NCAPH: variants seen among roughly 807,000 people sequenced by gnomAD.
NCAPH encodes condensin complex subunit 2.
Under a neutral mutation model 85.5 loss-of-function variants are expected in NCAPH, and 38 were observed. That is an observed-to-expected ratio of 0.44 (90% CI 0.34 to 0.58). The LOEUF is 0.58. NCAPH is among the 20% of genes least tolerant of loss of function. NCAPH has a pLI of 0.01. For missense variants in NCAPH, 789 were observed against 916.6 expected (o/e 0.86, Z 1.80); for synonymous variants, 301 against 335.1 (o/e 0.90, Z 1.11).
rs1401839715 is a variant in NCAPH, at chr2:96,341,643, A to C, written c.21A>C (p.Ala7=). Residue 7 remains alanine, a splice_region_variant and synonymous_variant, in exon 2 of 18, where the codon GCA becomes GCC. Transcript: ENST00000240423. MGPPGP[A]LPATMNNSSS... ...TCTTGAGCAAGAATTTTGTTCCAGC[A>C]CTGCCAGCCACAATGAATAACTCTT... The C allele has an allele frequency of 6.2e-7, 1 of 1,609,062 alleles. No homozygotes were observed. Among genetic ancestry groups the C allele is most frequent in the Non-Finnish European group, 8.5e-7 (1 of 1,176,362 alleles).
Position 96,359,265 on chromosome 2 carries a change from G to T in NCAPH, c.1357+72G>T, listed in dbSNP as rs1023981401. 5 of 1,557,438 alleles carry T rather than the reference G, an allele frequency of 3.2e-6. No individual in the cohort carries two copies. The Admixed American group carries it at 5.2e-5, about 16-fold the overall frequency. ...ACCAGCCAGTCAGCAGTTAGCCAAG[G>T]AAAAGAAATGCCAGTCACAGCCCTG... On this transcript the variant is annotated intron_variant, in intron 10 of 17. Coordinates refer to ENST00000240423, the MANE Select transcript of NCAPH (RefSeq NM_015341.5).
chr2:96,348,675 A>T (rs1411250883), intron 6 of NCAPH, among the ~76,000 whole-genome samples: 2 of 150,672 alleles, frequency 1.3e-5, no homozygotes, highest in African/African-American at 4.9e-5. Flanking sequence ...TTTTTTTTTG[A>T]GACAGGGTCT....
intron 10 of NCAPH, chr2:96,359,439 C>T: frequency 2.0e-6 from 1 of 506,286 alleles, no homozygotes; most frequent in Non-Finnish European, 3.5e-6. Flanking sequence ...GACTCCCAGC[C>T]TCACACTGCT....
At chr2:96,373,183 T>C in intron 17 of NCAPH, 109 bp from the exon 18 acceptor site, 1 of 858,410 alleles carries the variant, frequency 1.2e-6, no homozygotes, top group Non-Finnish European at 1.8e-6. Flanking sequence ...CTTATAATCA[T>C]GGGACAAACT....
Position 96,343,251 on chromosome 2 carries a change from G to T in NCAPH, c.542G>T (p.Gly181Val), listed in dbSNP as rs553820895. The change falls in exon 5 of 18, where the codon GGG becomes GTG. Residue 181 changes from glycine (G) to valine (V), a missense_variant. Gly to Val is a moderately radical substitution (Grantham distance 109, BLOSUM62 -3). Transcript: ENST00000240423. ...AVHADVYRVL[G>V]GLGKDAPSLE... ...CATGCCGATGTATACAGAGTCCTTG[G>T]GGGGCTGGGCAAAGATGCACCGTCT... 7 of 1,613,772 alleles carry T rather than the reference G, an allele frequency of 4.3e-6. No individual in the cohort carries two copies. Among genetic ancestry groups the T allele is most frequent in the South Asian group, 2.2e-5 (2 of 91,058 alleles).
chr2:96,373,395 C>G lies in NCAPH; in HGVS notation c.*44C>G. 5.7e-6 allele frequency: 9 copies of G among 1,578,984 alleles called. No individual in the cohort carries two copies. Among genetic ancestry groups the G allele is most frequent in the Non-Finnish European group, 7.8e-6 (9 of 1,149,258 alleles). ...AGCAGCAGGAGGCCCATCCCTTACT[C>G]AGTTGCCGGGACATCCCCAGTCTCG... On this transcript the variant is annotated 3_prime_UTR_variant, in exon 18 of 18. Coordinates refer to ENST00000240423, the MANE Select transcript of NCAPH (RefSeq NM_015341.5).
intron 17 of NCAPH, 42 bp from the exon 18 acceptor site, chr2:96,373,250 C>A: frequency 6.6e-7 from 1 of 1,522,970 alleles, no homozygotes; most frequent in Non-Finnish European, 9.1e-7. Context: ...TTCTTTTATT[C>A]TCCGTATACC....
At chr2:96,350,596 G>A (rs17633463) in intron 6 of NCAPH, among the ~76,000 whole-genome samples, 37,179 of 152,048 alleles carry the variant, frequency 0.24, 5,490 homozygotes, top group South Asian at 0.64. Context: ...GGAGGAAACC[G>A]ACTTGGACGT....
Position 96,358,491 on chromosome 2 carries a change from C to T in NCAPH, c.1209-554C>T, listed in dbSNP as rs527762106. 1.1e-4 allele frequency among the ~76,000 whole-genome samples: 16 copies of T among 151,914 alleles called. No individual in the cohort carries two copies. In the East Asian group the frequency reaches 1.5e-3, roughly 15 times the overall value. On this transcript the variant is annotated intron_variant, in intron 9 of 17. Coordinates refer to ENST00000240423, the MANE Select transcript of NCAPH (RefSeq NM_015341.5). ...AAGGAATTCTCTTTTTTTTTTGAGA[C>T]GGAGTCTCACTCTGTCACCCAGGCT... is the stretch of plus-strand genomic sequence containing the variant.
intron 5 of NCAPH, among the ~76,000 whole-genome samples, chr2:96,343,599 TGA>T (rs1456766790): frequency 6.6e-6 from 1 of 152,216 alleles, no homozygotes; most frequent in Non-Finnish European, 1.5e-5. Context: ...TGGACTTGCG[TGA>T]GAAGCCAAAT....
intron 6 of NCAPH, among the ~76,000 whole-genome samples, chr2:96,350,225 T>C (rs2064420918): frequency 6.6e-6 from 1 of 152,272 alleles, no homozygotes; most frequent in Admixed American, 6.5e-5. Context: ...CCATAATTCA[T>C]TGTCCCATTG....
In NCAPH at chr2:96,353,298, C is replaced by G. The variant is rs368331821; in HGVS notation, c.911-8C>G. On this transcript the variant is annotated splice_polypyrimidine_tract_variant and splice_region_variant and intron_variant, in intron 7 of 17. Coordinates refer to ENST00000240423, the MANE Select transcript of NCAPH (RefSeq NM_015341.5). ...AATCTCTCTTTGTGATCTTGCTATC[C>G]TCTCCAGCGCCCTTGCAGCAGTGTG... 3 of 1,613,474 alleles carry G rather than the reference C, an allele frequency of 1.9e-6. No homozygotes were observed. The African/African-American group carries it at 4.0e-5, about 22-fold the overall frequency.
chr2:96,365,247 T>G (rs1161325730), intron 13 of NCAPH, among the ~76,000 whole-genome samples: 2 of 152,178 alleles, frequency 1.3e-5, no homozygotes, highest in Non-Finnish European at 2.9e-5. Context: ...AAAAAATGTA[T>G]TCACCTTATT....
chr2:96,356,701 A>G (rs1428778685), intron 9 of NCAPH, among the ~76,000 whole-genome samples: 1 of 152,090 alleles, frequency 6.6e-6, no homozygotes, highest in Non-Finnish European at 1.5e-5. Context: ...CTCAGTGGGT[A>G]GAGGGGGCCA....
intron 4 of NCAPH, 104 bp downstream of exon 4, chr2:96,342,952 A>G: frequency 8.4e-7 from 1 of 1,190,466 alleles, no homozygotes; most frequent in Non-Finnish European, 1.2e-6. Context: ...GAGACTTCTC[A>G]TTTAGATGTT....
At chr2:96,352,490 A>T (rs1385045965) in intron 7 of NCAPH, among the ~76,000 whole-genome samples, 2 of 152,162 alleles carry the variant, frequency 1.3e-5, no homozygotes, top group Non-Finnish European at 2.9e-5. Flanking sequence ...CTCTCCTATT[A>T]TCAGTCCCCT....
Position 96,374,979 on chromosome 2 carries a change from C to T in NCAPH, c.*1628C>T, listed in dbSNP as rs1421772403. Among the ~76,000 whole-genome samples, 1 of 152,034 alleles carries T rather than the reference C, an allele frequency of 6.6e-6. No individual in the cohort carries two copies. Among genetic ancestry groups the T allele is most frequent in the Non-Finnish European group, 1.5e-5 (1 of 68,018 alleles). Reference sequence around the variant, plus strand: ...ATCCTAGCGCTTTGAAAGGAAGAGGCAGGAGGATTGCTTGAAGTCAGGAGT... The same window carrying T: ...ATCCTAGCGCTTTGAAAGGAAGAGGTAGGAGGATTGCTTGAAGTCAGGAGT... On this transcript the variant is annotated 3_prime_UTR_variant, in exon 18 of 18. Transcript: ENST00000240423.
In NCAPH at chr2:96,342,124, A is replaced by G; in HGVS notation, c.347A>G (p.Lys116Arg). ...ACGGAACATTACTCCACCTGTATCAAACTGTCCACTGAAAATGTGAGTATT... is the reference window on the plus strand; with the variant it reads ...ACGGAACATTACTCCACCTGTATCAGACTGTCCACTGAAAATGTGAGTATT... The part of the protein sequence containing the change: ...QITEHYSTCI[K>R]LSTENKITTK... The change falls in exon 3 of 18, where the codon AAA (lysine) becomes AGA (arginine). Residue 116 changes from lysine (K) to arginine (R), a missense_variant. Transcript: ENST00000240423. 5.6e-6 allele frequency: 9 copies of G among 1,609,202 alleles called. No homozygotes were observed. The highest frequency in any genetic ancestry group is 6.8e-6 in the Non-Finnish European group (8 of 1,175,442).
chr2:96,341,716 C>T lies in NCAPH; in HGVS notation c.94C>T (p.Arg32Cys), dbSNP rs754320925. 1.4e-5 allele frequency: 22 copies of T among 1,614,106 alleles called. No individual in the cohort carries two copies. The highest frequency in any genetic ancestry group is 1.8e-5 in the Non-Finnish European group (21 of 1,180,042). ...HPHSASSPSE[R>C]VFPMPLPRKA... ...CCACAGTGCCTCCTCTCCTTCAGAGCGTGTGTTCCCGATGCCCCTGCCCAG... is the reference window on the plus strand; with the variant it reads ...CCACAGTGCCTCCTCTCCTTCAGAGTGTGTGTTCCCGATGCCCCTGCCCAG... The change falls in exon 2 of 18, where the codon CGT (arginine) becomes TGT (cysteine). Residue 32 changes from arginine to cysteine, a missense_variant. Transcript: ENST00000240423.
Sources: gnomAD v4.1 joint callset for allele counts (sites outside exome capture counted in the v4.1 genomes callset) on GRCh38, gnomAD v4.1.1 for gene constraint, MANE v1.5 for transcripts, NCBI Gene and HGNC (gene_info 2026-07-23, HGNC 2026-07-21) for gene names.